TNR: variants seen among roughly 807,000 people sequenced by gnomAD.
TNR encodes tenascin R.
A neutral mutation model predicts 150.4 loss-of-function variants in TNR; 45 were observed. The ratio of observed to expected loss-of-function variants is 0.30; its 90% CI spans 0.24 to 0.38. The LOEUF is 0.38. Among genes scored for constraint, TNR ranks in the 10% least tolerant of loss-of-function variants. The probability of loss-of-function intolerance (pLI) is 1.00; values close to 1 mark genes in which losing one functional copy is unlikely to be tolerated. For missense variants in TNR, 1,544 were observed against 1,759.1 expected (o/e 0.88, Z 2.19); for synonymous variants, 687 against 678.4 (o/e 1.01, Z -0.20).
intron 2 of TNR, among the ~76,000 whole-genome samples, chr1:175,513,969 C>T (rs534559003): frequency 9.2e-5 from 14 of 152,270 alleles, no homozygotes; most frequent in Admixed American, 2.6e-4. Context: ...ATTGGAAGGT[C>T]CACACTGGAC....
At chr1:175,373,006 T>A (rs979807315) in intron 9 of TNR, among the ~76,000 whole-genome samples, 4 of 152,226 alleles carry the variant, frequency 2.6e-5, no homozygotes, top group African/African-American at 9.6e-5. Flanking sequence ...GTTTCCTCAC[T>A]AGACTCTTAG....
At chr1:175,385,954 C>T (rs1652895333) in intron 8 of TNR, 78 bp downstream of exon 8, 2 of 1,479,054 alleles carry the variant, frequency 1.4e-6, no homozygotes, top group Admixed American at 4.6e-5. Flanking sequence ...CCTAATACTC[C>T]TCTTGCTGTG....
intron 1 of TNR, among the ~76,000 whole-genome samples, chr1:175,728,118 T>A (rs12045500): frequency 1.3e-5 from 2 of 151,912 alleles, no homozygotes; most frequent in Non-Finnish European, 2.9e-5. Context: ...GCCAGATGAG[T>A]ACAAGAAAAG....
At chr1:175,493,702 C>T (rs968100438) in intron 2 of TNR, among the ~76,000 whole-genome samples, 2 of 152,228 alleles carry the variant, frequency 1.3e-5, no homozygotes, top group Admixed American at 1.3e-4. Context: ...CCCTCCTTTC[C>T]TCCTGGGGAC....
chr1:175,715,665 C>T (rs1211328720), intron 1 of TNR, among the ~76,000 whole-genome samples: 1 of 152,200 alleles, frequency 6.6e-6, no homozygotes, highest in African/African-American at 2.4e-5. Context: ...AAGAGATGCT[C>T]TCATGGGGTC....
intron 2 of TNR, among the ~76,000 whole-genome samples, chr1:175,440,596 G>C (rs1331658270): frequency 6.6e-6 from 1 of 151,986 alleles, no homozygotes; most frequent in Non-Finnish European, 1.5e-5. Context: ...TTGATGACGA[G>C]AGCCCAGCAA....
At position 175,417,076 on chromosome 1, in the gene TNR, A is replaced by AAATC. The variant is rs1553218338; in HGVS notation, c.-63-10303_-63-10300dup. ...GAAAGAAAGAAAGAAAGAAAGAAAGAAATCTAAGAAGTGGTCTCTTCCCTC... is the reference window on the plus strand; with the variant it reads ...GAAAGAAAGAAAGAAAGAAAGAAAGAAATCAATCTAAGAAGTGGTCTCTTCCCTC... On this transcript the variant is annotated intron_variant, in intron 2 of 22. Coordinates refer to ENST00000367674, the MANE Select transcript of TNR (RefSeq NM_003285.3). Among the ~76,000 whole-genome samples, 152 of 113,752 alleles carry AAATC rather than the reference A, an allele frequency of 1.3e-3. 2 individuals carry two copies. Among genetic ancestry groups the AAATC allele is most frequent in the African/African-American group, 3.9e-3 (143 of 36,448 alleles). 74.6% of individuals were successfully genotyped at this position (113,752 alleles called of 152,430 possible).
intron 7 of TNR, 29 bp downstream of exon 7, chr1:175,391,259 C>G: frequency 6.2e-7 from 1 of 1,610,460 alleles, no homozygotes; most frequent in Non-Finnish European, 8.5e-7. Context: ...TAGTAGGCAG[C>G]TCTAGGGAGA....
At chr1:175,708,246 A>G (rs1666897177) in intron 1 of TNR, among the ~76,000 whole-genome samples, 1 of 151,990 alleles carries the variant, frequency 6.6e-6, no homozygotes, top group African/African-American at 2.4e-5. Context: ...AGGCAGGGCC[A>G]CCTCCTTCCT....
intron 2 of TNR, among the ~76,000 whole-genome samples, chr1:175,506,660 T>G (rs577015597): frequency 1.3e-5 from 2 of 152,340 alleles, no homozygotes; most frequent in East Asian, 3.9e-4. Context: ...CTGCCAACAC[T>G]TTGATCTTGG....
chr1:175,688,231 C>A (rs1029127487), intron 1 of TNR, among the ~76,000 whole-genome samples: 11 of 152,200 alleles, frequency 7.2e-5, no homozygotes, highest in Admixed American at 6.5e-5. Context: ...GAGCCCCAGT[C>A]CCACGGGGGT....
intron 1 of TNR, among the ~76,000 whole-genome samples, chr1:175,640,791 GTATATA>G (rs59240572): frequency 7.0e-6 from 1 of 143,644 alleles, no homozygotes; most frequent in Non-Finnish European, 1.5e-5. Flanking sequence ...GTGTGTGTGG[GTATATA>G]TATATATATA....
At chr1:175,461,487 G>A (rs1445938079) in intron 2 of TNR, among the ~76,000 whole-genome samples, 1 of 152,156 alleles carries the variant, frequency 6.6e-6, no homozygotes, top group Non-Finnish European at 1.5e-5. Flanking sequence ...CTGAATCATG[G>A]TTTTATCGGG....
In TNR at chr1:175,337,527, C is replaced by A; in HGVS notation, c.3534+1G>T. ...GCAAGGAGAGCACAGATTGTACTTACAATCCAGCCGCCCCCGTCGGTGGTC... is the reference window on the plus strand; with the variant it reads ...GCAAGGAGAGCACAGATTGTACTTAAAATCCAGCCGCCCCCGTCGGTGGTC... On this transcript the variant is annotated splice_donor_variant, in intron 19 of 22. Coordinates refer to ENST00000367674, the MANE Select transcript of TNR (RefSeq NM_003285.3). LOFTEE classifies it high-confidence loss of function. 6.2e-7 allele frequency: 1 copy of A among 1,612,760 alleles called. No individual in the cohort carries two copies. Among genetic ancestry groups the A allele is most frequent in the Non-Finnish European group, 8.5e-7 (1 of 1,179,998 alleles).
chr1:175,467,869 T>A (rs796675581), intron 2 of TNR, among the ~76,000 whole-genome samples: 1 of 152,234 alleles, frequency 6.6e-6, no homozygotes, highest in African/African-American at 2.4e-5. Context: ...TATAAAGGAC[T>A]GTATTTCCCA....
chr1:175,531,525 T>C (rs1660064382), intron 1 of TNR, among the ~76,000 whole-genome samples: 1 of 152,086 alleles, frequency 6.6e-6, no homozygotes, highest in Non-Finnish European at 1.5e-5. Context: ...TGGTCCCAAA[T>C]CCTTTTAGCT....
At chr1:175,499,187 C>T (rs1658620384) in intron 2 of TNR, among the ~76,000 whole-genome samples, 1 of 152,032 alleles carries the variant, frequency 6.6e-6, no homozygotes, top group Non-Finnish European at 1.5e-5. Flanking sequence ...ACAGAAGAGG[C>T]AAAAATATAT....
intron 1 of TNR, among the ~76,000 whole-genome samples, chr1:175,707,180 C>T (rs578202899): frequency 6.6e-6 from 1 of 152,306 alleles, no homozygotes; most frequent in South Asian, 2.1e-4. Context: ...ACTTTAAAAG[C>T]ACTATCAAAA....
intron 1 of TNR, among the ~76,000 whole-genome samples, chr1:175,547,682 GAAAGAAAGAAA>G (rs1218515569): frequency 1.3e-5 from 2 of 151,370 alleles, no homozygotes; most frequent in Non-Finnish European, 2.9e-5. Context: ...AAGAGAGAGA[GAAAGAAAGAAA>G]AAAGAAAGAG....
Sources: allele counts gnomAD v4.1 joint callset (sites outside exome capture counted in the v4.1 genomes callset), GRCh38; gene constraint gnomAD v4.1.1; transcripts MANE v1.5; gene names NCBI Gene and HGNC (gene_info 2026-07-23, HGNC 2026-07-21).